Variants in CFAP161 observed in about 807,000 individuals in gnomAD.
CFAP161 encodes the protein cilia- and flagella-associated protein 161.
A neutral mutation model predicts 29.0 loss-of-function variants in CFAP161; 25 were observed. The observed-to-expected ratio is 0.86, with a 90% CI of 0.63 to 1.20. CFAP161 has a LOEUF of 1.20. Ranked by LOEUF, CFAP161 falls within the 50% of genes most tolerant of loss-of-function variation. The probability of loss-of-function intolerance (pLI) is 0.00; values close to 1 mark genes in which losing one functional copy is unlikely to be tolerated. For synonymous variants in CFAP161, 116 were observed against 137.4 expected (o/e 0.84, Z 1.09); for missense variants, 367 against 371.9 (o/e 0.99, Z 0.11).
intron 4 of CFAP161, among the ~76,000 whole-genome samples, chr15:81,143,267 T>C (rs1485921240): frequency 6.6e-6 from 1 of 152,136 alleles, no homozygotes; most frequent in Admixed American, 6.5e-5. Context: ...GAACCATGAT[T>C]GCCACTGCGC....
chr15:81,107,010 G>A (rs1369098644), intron 1 of CFAP161, among the ~76,000 whole-genome samples: 5 of 152,166 alleles, frequency 3.3e-5, no homozygotes, highest in African/African-American at 1.2e-4. Flanking sequence ...AGGCTACAGT[G>A]AGCTGTGATC....
At chr15:81,107,674 G>A (rs540158572) in intron 1 of CFAP161, among the ~76,000 whole-genome samples, 7 of 152,142 alleles carry the variant, frequency 4.6e-5, no homozygotes, top group African/African-American at 7.2e-5. Flanking sequence ...GTGGCGAGCC[G>A]AGATCATGCC....
chr15:81,103,247 T>C (rs2663921), intron 1 of CFAP161, among the ~76,000 whole-genome samples: 86,363 of 152,076 alleles, frequency 0.57, 25,413 homozygotes, highest in Non-Finnish European at 0.67. Context: ...TTTTCATCTA[T>C]GATTCCTGGC....
chr15:81,131,383 AT>A (rs1894709182), upstream of CFAP161, among the ~76,000 whole-genome samples: 1 of 152,196 alleles, frequency 6.6e-6, no homozygotes, highest in Non-Finnish European at 1.5e-5. Context: ...CAAAGCAGCC[AT>A]TATAAATATG....
At chr15:81,124,015 T>G (rs2460853) in intron 1 of CFAP161, among the ~76,000 whole-genome samples, 86,798 of 151,952 alleles carry the variant, frequency 0.57, 26,060 homozygotes, top group Non-Finnish European at 0.68. Context: ...TTCTTCCTAT[T>G]TGAATGCTTT....
At chr15:81,148,143 T>C (rs552903711) in intron 6 of CFAP161, among the ~76,000 whole-genome samples, 195 bp from the exon 7 acceptor site, 2 of 152,366 alleles carry the variant, frequency 1.3e-5, no homozygotes, top group East Asian at 3.9e-4. Flanking sequence ...ACTTTGGTTC[T>C]AATGGGATCC....
intron 1 of CFAP161, among the ~76,000 whole-genome samples, chr15:81,102,407 C>T (rs1894313739): frequency 6.6e-6 from 1 of 152,182 alleles, no homozygotes. Flanking sequence ...GTGGCTCACA[C>T]CTATAATCCC....
upstream of CFAP161, among the ~76,000 whole-genome samples, chr15:81,130,460 G>T (rs537282182): frequency 3.9e-5 from 6 of 152,256 alleles, no homozygotes; most frequent in South Asian, 1.2e-3. Context: ...CAGCACTTTG[G>T]GAGGCCGAGG....
intron 1 of CFAP161, among the ~76,000 whole-genome samples, chr15:81,134,920 G>A (rs1472448054): frequency 6.6e-6 from 1 of 152,126 alleles, no homozygotes; most frequent in African/African-American, 2.4e-5. Context: ...ATTCGTATAC[G>A]GGTCAGATTG....
intron 1 of CFAP161, among the ~76,000 whole-genome samples, chr15:81,113,417 C>G (rs960631389): frequency 6.6e-6 from 1 of 152,160 alleles, no homozygotes; most frequent in Non-Finnish European, 1.5e-5. Flanking sequence ...TGTCAGATTT[C>G]ACAGGCTAAA....
Position 81,136,588 on chromosome 15 carries a change from C to G in CFAP161, c.232C>G (p.Pro78Ala). The change falls in exon 3 of 7, where the codon CCT (proline) becomes GCT (alanine). Residue 78 changes from proline to alanine, a missense_variant. By Grantham distance (27) the Pro-to-Ala change is conservative. Transcript: ENST00000286732. ...DKVMLVNPDD[P>A]DTEADVFLRG... ...AGTGATGCTTGTGAATCCTGATGAT[C>G]CTGACACAGAAGCTGATGTGTTTCT... 1.2e-6 allele frequency: 2 copies of G among 1,614,154 alleles called. No homozygotes were observed. Among genetic ancestry groups the G allele is most frequent in the Non-Finnish European group, 1.7e-6 (2 of 1,180,038 alleles).
At position 81,136,501 on chromosome 15, in the gene CFAP161, C is replaced by T. The variant is rs78911995; in HGVS notation, c.160-15C>T. 1,481 of 1,609,936 alleles carry T rather than the reference C, an allele frequency of 9.2e-4. 30 individuals carry two copies. In the East Asian group the frequency reaches 0.029, roughly 31 times the overall value. ...ATTGCATGGTTTATGTAATAAACTA[C>T]TATCAAAATTGTAGATGCAACTTTC... On this transcript the variant is annotated splice_polypyrimidine_tract_variant and intron_variant, in intron 2 of 6. Coordinates refer to ENST00000286732, the MANE Select transcript of CFAP161 (RefSeq NM_173528.4).
intron 1 of CFAP161, among the ~76,000 whole-genome samples, chr15:81,104,681 GA>G (rs1894340684): frequency 6.6e-6 from 1 of 152,136 alleles, no homozygotes. Flanking sequence ...ATTCCAATCT[GA>G]AAGTGTGGAA....
intron 6 of CFAP161, 57 bp from the exon 7 acceptor site, chr15:81,148,281 A>G (rs1440096135): frequency 6.8e-7 from 1 of 1,475,654 alleles, no homozygotes; most frequent in Non-Finnish European, 9.4e-7. Context: ...TATTAATAAC[A>G]GCTTATTGAG....
At chr15:81,147,667 G>A (rs1001777620) in intron 5 of CFAP161, among the ~76,000 whole-genome samples, 191 bp from the exon 6 acceptor site, 2 of 152,060 alleles carry the variant, frequency 1.3e-5, no homozygotes, top group Non-Finnish European at 1.5e-5. Flanking sequence ...TCTTACGGTC[G>A]CATAGGTGGT....
At chr15:81,133,214 TATATATATATG>T (rs1167636998), upstream of CFAP161, among the ~76,000 whole-genome samples, 332 of 42,236 alleles carry the variant, frequency 7.9e-3, 11 homozygotes, top group East Asian at 0.014. Context: ...TATATATATA[TATATATATATG>T]TATTTTTTTT....
chr15:81,105,832 A>G (rs1396915470), intron 1 of CFAP161, among the ~76,000 whole-genome samples: 1 of 152,220 alleles, frequency 6.6e-6, no homozygotes, highest in Non-Finnish European at 1.5e-5. Context: ...TTATGATAAT[A>G]TGAGTGTTTG....
intron 1 of CFAP161, among the ~76,000 whole-genome samples, chr15:81,102,236 T>C (rs1946523462): frequency 6.6e-6 from 1 of 152,184 alleles, no homozygotes; most frequent in South Asian, 2.1e-4. Context: ...CCTGAGCTGC[T>C]GGGTGAGGGC....
chr15:81,131,614 A>G (rs1894712169), upstream of CFAP161, among the ~76,000 whole-genome samples: 2 of 152,198 alleles, frequency 1.3e-5, no homozygotes, highest in African/African-American at 4.8e-5. Flanking sequence ...TTGAAGACAA[A>G]TCAATAGAAA....
Sources: gnomAD v4.1 joint callset for allele counts (sites outside exome capture counted in the v4.1 genomes callset) on GRCh38, gnomAD v4.1.1 for gene constraint, MANE v1.5 for transcripts, NCBI Gene and HGNC (gene_info 2026-07-23, HGNC 2026-07-21) for gene names.